The following ARHGAP5 variants were observed in gnomAD, a reference collection of about 807,000 sequenced individuals.
ARHGAP5 encodes the protein Rho GTPase activating protein 5.
ARHGAP5 carries 23 observed loss-of-function variants against 116.6 expected under a neutral mutation model. The observed-to-expected ratio is 0.20, with a 90% CI of 0.14 to 0.28. The LOEUF (loss-of-function observed/expected upper bound fraction) is 0.28. Among genes scored for constraint, ARHGAP5 ranks in the 10% least tolerant of loss-of-function variants. ARHGAP5 has a pLI of 1.00. For synonymous variants in ARHGAP5, 574 were observed against 602.0 expected, an observed-to-expected ratio of 0.95 and a Z score of 0.68; for missense variants, 1,405 against 1,774.8, an observed-to-expected ratio of 0.79 and a Z score of 3.74.
chr14:32,099,325 C>G (rs1463489668), intron 2 of ARHGAP5, among the ~76,000 whole-genome samples: 1 of 152,068 alleles, frequency 6.6e-6, no homozygotes, highest in African/African-American at 2.4e-5. Flanking sequence ...CGGCAGAAGT[C>G]TGAGTTGTAG....
chr14:32,110,231 C>T (rs1354276392), intron 2 of ARHGAP5, among the ~76,000 whole-genome samples: 3 of 147,914 alleles, frequency 2.0e-5, no homozygotes, highest in Non-Finnish European at 4.5e-5. Flanking sequence ...AAAGATGATA[C>T]GTGAGTAGTT....
intron 1 of ARHGAP5, among the ~76,000 whole-genome samples, chr14:32,080,523 C>T (rs752632984): frequency 6.6e-6 from 1 of 151,364 alleles, no homozygotes; most frequent in Non-Finnish European, 1.5e-5. Flanking sequence ...GTCTCTGATT[C>T]GTTATTCATT....
At chr14:32,115,446 G>A (rs182330211) in intron 2 of ARHGAP5, among the ~76,000 whole-genome samples, 180 of 151,792 alleles carry the variant, frequency 1.2e-3, no homozygotes, top group Middle Eastern at 0.01. Flanking sequence ...GGAGGATCAC[G>A]AGGTCAGGAG....
chr14:32,117,154 T>G lies in ARHGAP5; in HGVS notation c.3732T>G (p.Thr1244=). 1 of 1,598,824 alleles carries G rather than the reference T, an allele frequency of 6.3e-7. No individual in the cohort carries two copies. The highest frequency in any genetic ancestry group is 8.5e-7 in the Non-Finnish European group (1 of 1,175,034). ...TTTTCTTATAGCAGAAAAAGAAAAC[T>G]AAGAACTTCAATCCACCAACACGTA... is the stretch of plus-strand genomic sequence containing the variant. ...VKEDKKQKKK[T]KNFNPPTRRN... The change falls in exon 3 of 7, where the codon ACT becomes ACG. Residue 1244 remains threonine (T), a synonymous_variant. Coordinates refer to ENST00000345122, the MANE Select transcript of ARHGAP5 (RefSeq NM_001030055.2).
At chr14:32,131,807 TC>T (rs1446560677) in intron 3 of ARHGAP5, among the ~76,000 whole-genome samples, 1 of 152,184 alleles carries the variant, frequency 6.6e-6, no homozygotes, top group Non-Finnish European at 1.5e-5. Context: ...ATTATTCAGT[TC>T]CCACCTATGA....
At chr14:32,137,916 G>C (rs1190509950) in intron 3 of ARHGAP5, among the ~76,000 whole-genome samples, 1 of 149,518 alleles carries the variant, frequency 6.7e-6, no homozygotes, top group Non-Finnish European at 1.5e-5. Context: ...AGGTTGCAGT[G>C]AGCCAAGATC....
intron 3 of ARHGAP5, among the ~76,000 whole-genome samples, chr14:32,137,310 A>G (rs940161044): frequency 6.7e-6 from 1 of 150,362 alleles, no homozygotes; most frequent in Non-Finnish European, 1.5e-5. Flanking sequence ...TCTCTGCACT[A>G]TTTATTGCGA....
intron 3 of ARHGAP5, among the ~76,000 whole-genome samples, chr14:32,123,417 G>A (rs1325610488): frequency 3.3e-5 from 5 of 151,182 alleles, no homozygotes; most frequent in African/African-American, 1.2e-4. Flanking sequence ...CTTTTTATGT[G>A]TTCATTTCTA....
At position 32,125,246 on chromosome 14, in the gene ARHGAP5, A is replaced by G. The variant is rs574155333; in HGVS notation, c.3865+7959A>G. Among the ~76,000 whole-genome samples the G allele has an allele frequency of 4.6e-5, 7 of 152,316 alleles. No individual in the cohort carries two copies. In the South Asian group the frequency reaches 1.5e-3, roughly 32 times the overall value. ...AATTTACTAATTCTGGATATTTCAT[A>G]TCAGTAGAATCACACAATGTATGAC... On this transcript the variant is annotated intron_variant, in intron 3 of 6. Coordinates refer to ENST00000345122, the MANE Select transcript of ARHGAP5 (RefSeq NM_001030055.2).
chr14:32,147,596 C>T (rs1283195008), intron 4 of ARHGAP5, among the ~76,000 whole-genome samples: 1 of 152,130 alleles, frequency 6.6e-6, no homozygotes, highest in Non-Finnish European at 1.5e-5. Flanking sequence ...GAATGTGTTA[C>T]AGAAGTCTTT....
intron 2 of ARHGAP5, among the ~76,000 whole-genome samples, chr14:32,116,245 C>T (rs1437654657): frequency 7.0e-6 from 1 of 143,186 alleles, no homozygotes; most frequent in African/African-American, 2.6e-5. Flanking sequence ...CTAGACCCTG[C>T]GCCACTGCAC....
intron 3 of ARHGAP5, among the ~76,000 whole-genome samples, chr14:32,145,136 T>G (rs1881316386): frequency 6.6e-6 from 1 of 152,204 alleles, no homozygotes; most frequent in South Asian, 2.1e-4. Context: ...GAGTGGAAGT[T>G]CAGACTCCTG....
At chr14:32,080,510 TAA>T (rs1194044252) in intron 1 of ARHGAP5, among the ~76,000 whole-genome samples, 1 of 152,080 alleles carries the variant, frequency 6.6e-6, no homozygotes, top group African/African-American at 2.4e-5. Flanking sequence ...TAATTTTTTT[TAA>T]GTCTCTGATT....
intron 3 of ARHGAP5, among the ~76,000 whole-genome samples, chr14:32,126,562 A>G (rs972266690): frequency 7.9e-5 from 12 of 152,206 alleles, no homozygotes; most frequent in African/African-American, 2.4e-4. Context: ...TCTATTCCCA[A>G]TAAGGTCACC....
chr14:32,094,527 G>T (rs551576267), intron 2 of ARHGAP5, 141 bp downstream of exon 2: 3 of 572,756 alleles, frequency 5.2e-6, no homozygotes, highest in South Asian at 9.7e-5. Flanking sequence ...TGAGTATTCT[G>T]TGGGGATAAG....
chr14:32,089,603 A>G (rs2041864517), intron 1 of ARHGAP5, among the ~76,000 whole-genome samples: 1 of 151,922 alleles, frequency 6.6e-6, no homozygotes, highest in Non-Finnish European at 1.5e-5. Flanking sequence ...AATAATTCTA[A>G]AAGATTGTCT....
At chr14:32,140,414 G>A (rs1301966127) in intron 3 of ARHGAP5, among the ~76,000 whole-genome samples, 3 of 145,948 alleles carry the variant, frequency 2.1e-5, no homozygotes, top group Admixed American at 6.7e-5. Flanking sequence ...ACCCCGTCTC[G>A]ACTAAAAATA....
intron 3 of ARHGAP5, among the ~76,000 whole-genome samples, chr14:32,133,340 T>G (rs1880608266): frequency 1.3e-5 from 2 of 152,208 alleles, no homozygotes; most frequent in African/African-American, 4.8e-5. Flanking sequence ...TTATTCTCTT[T>G]GAAGCAATTG....
At chr14:32,105,607 T>A (rs543579003) in intron 2 of ARHGAP5, among the ~76,000 whole-genome samples, 9 of 152,258 alleles carry the variant, frequency 5.9e-5, no homozygotes, top group African/African-American at 2.2e-4. Context: ...ACAGATCTTA[T>A]TCAGATTTCC....
Sources: allele counts gnomAD v4.1 joint callset (sites outside exome capture counted in the v4.1 genomes callset), GRCh38; gene constraint gnomAD v4.1.1; transcripts MANE v1.5; gene names NCBI Gene and HGNC (gene_info 2026-07-23, HGNC 2026-07-21).